TTC6: variants seen among roughly 807,000 people sequenced by gnomAD.
TTC6 encodes tetratricopeptide repeat domain 6.
TTC6 carries 172 observed loss-of-function variants against 210.4 expected under a neutral mutation model. That is an observed-to-expected ratio of 0.82 (90% CI 0.72 to 0.93). The LOEUF (loss-of-function observed/expected upper bound fraction) is 0.93, where lower values mean the gene tolerates loss of function less well. Ranked by LOEUF, TTC6 falls within the 40% of genes least tolerant of loss-of-function variation. TTC6 has a pLI of 0.00. For missense variants in TTC6, 2,414 were observed against 2,318.1 expected (o/e 1.04, Z -0.85); for synonymous variants, 804 against 819.6 (o/e 0.98, Z 0.32).
Position 37,804,840 on chromosome 14 carries a change from A to T in TTC6, c.4164+26A>T, listed in dbSNP as rs373351825. The T allele has an allele frequency of 1.9e-6, 3 of 1,607,824 alleles. No individual in the cohort carries two copies. In the East Asian group the frequency reaches 6.7e-5, roughly 36 times the overall value. ...GTATTTCGTGTATTTAGGAGTATAG[A>T]TTATTTGTGATTTTAGAGACTGGTT... On this transcript the variant is annotated intron_variant, in intron 21 of 30. Coordinates refer to ENST00000553443, the Ensembl canonical transcript of TTC6.
At chr14:37,764,985 T>C (rs2095994485) in intron 14 of TTC6, among the ~76,000 whole-genome samples, 1 of 151,948 alleles carries the variant, frequency 6.6e-6, no homozygotes, top group Non-Finnish European at 1.5e-5. Context: ...TCATTTCTTT[T>C]ACTGTATAAT....
chr14:37,790,780 A>G lies in TTC6; in HGVS notation c.3500A>G (p.His1167Arg), dbSNP rs777202739. 1.2e-5 allele frequency: 18 copies of G among 1,534,834 alleles called. No homozygotes were observed. In the South Asian group the frequency reaches 2.1e-4, roughly 18 times the overall value. ...CTACATCGGGGAATAGTCTATGCAC[A>G]TCTAAAACTTTGGCTGCTGGCAATT... Residue 1167 changes from histidine to arginine, a missense_variant, in exon 16 of 31, where the codon CAT becomes CGT. By Grantham distance (29) the His-to-Arg change is conservative (BLOSUM62 0). Transcript: ENST00000553443.
rs2095654140 is a variant in TTC6 at position 37,622,893 on chromosome 14, A to T, written c.829A>T (p.Ile277Phe). Residue 277 changes from isoleucine (I) to phenylalanine (F), a missense_variant, in exon 1 of 31, where the codon ATC becomes TTC. By Grantham distance (21) the Ile-to-Phe change is conservative (BLOSUM62 0). Transcript: ENST00000553443. The stretch of plus-strand genomic sequence containing the variant: ...GCCCTCCCGCGTGATCCCCACGTCC[A>T]TCGAAGAGATCATCGCCTCTCTGCA... 3.9e-6 allele frequency: 6 copies of T among 1,535,142 alleles called. No individual in the cohort carries two copies. In the South Asian group the frequency reaches 5.9e-5, roughly 15 times the overall value.
At chr14:37,741,562 T>C (rs1350153533) in intron 10 of TTC6, among the ~76,000 whole-genome samples, 1 of 152,154 alleles carries the variant, frequency 6.6e-6, no homozygotes, top group Admixed American at 6.5e-5. Flanking sequence ...AGTGCTGGGA[T>C]TACAGGCATG....
chr14:37,820,897 C>T lies in TTC6; in HGVS notation c.4764-2850C>T, dbSNP rs560342616. Among the ~76,000 whole-genome samples the T allele has an allele frequency of 9.9e-4, 149 of 151,096 alleles. 1 individual carries two copies. Among genetic ancestry groups the T allele is most frequent in the African/African-American group, 3.5e-3 (145 of 41,104 alleles). ...CCTTCTCCTCCTCCTTCTCCTCCTTCTCCTCCTTCTCCTCCTCCTTCTCCT... is the reference window on the plus strand; with the variant it reads ...CCTTCTCCTCCTCCTTCTCCTCCTTTTCCTCCTTCTCCTCCTCCTTCTCCT... On this transcript the variant is annotated intron_variant, in intron 26 of 30. Coordinates refer to ENST00000553443, the Ensembl canonical transcript of TTC6.
chr14:37,805,163 G>A (rs1412341170), intron 21 of TTC6, among the ~76,000 whole-genome samples: 4 of 152,156 alleles, frequency 2.6e-5, no homozygotes, highest in East Asian at 1.9e-4. Context: ...TTAACATAAT[G>A]TAGAATAAAT....
chr14:37,809,112 AT>A (rs1159632453), intron 24 of TTC6, among the ~76,000 whole-genome samples: 1 of 152,148 alleles, frequency 6.6e-6, no homozygotes, highest in African/African-American at 2.4e-5. Flanking sequence ...TGCTCACCAA[AT>A]TTTCTTATAT....
At chr14:37,762,577 T>C (rs1252334630) in intron 14 of TTC6, among the ~76,000 whole-genome samples, 2 of 152,222 alleles carry the variant, frequency 1.3e-5, no homozygotes, top group African/African-American at 4.8e-5. Flanking sequence ...TTTTTTCATA[T>C]ACCTGTTGGT....
At chr14:37,749,910 C>A (rs2095946725) in intron 12 of TTC6, 67 bp downstream of exon 14, 3 of 1,076,920 alleles carry the variant, frequency 2.8e-6, no homozygotes, top group Non-Finnish European at 2.4e-6. Context: ...TTTATTGGTA[C>A]TATAAGGATA....
chr14:37,838,847 CCT>C (rs2096203817), intron 29 of TTC6, among the ~76,000 whole-genome samples: 2 of 152,264 alleles, frequency 1.3e-5, no homozygotes, highest in South Asian at 4.2e-4. Context: ...TGTTCCCCTC[CCT>C]GTGTCCATGT....
At chr14:37,629,403 T>G (rs1436397475) in intron 1 of TTC6, among the ~76,000 whole-genome samples, 1 of 152,300 alleles carries the variant, frequency 6.6e-6, no homozygotes, top group African/African-American at 2.4e-5. Context: ...TTTGGCTCTC[T>G]GTTTGTCTAT....
At chr14:37,735,331 G>A (rs553377473) in intron 7 of TTC6, among the ~76,000 whole-genome samples, 67 of 152,228 alleles carry the variant, frequency 4.4e-4, no homozygotes, top group South Asian at 3.7e-3. Flanking sequence ...CCCGGGTGTC[G>A]AATTTAGGTC....
intron 5 of TTC6, among the ~76,000 whole-genome samples, chr14:37,710,029 G>T (rs1243818531): frequency 6.6e-6 from 1 of 152,082 alleles, no homozygotes; most frequent in South Asian, 2.1e-4. Flanking sequence ...TTAAAAAATG[G>T]TATCTAGAAT....
At chr14:37,600,405 A>G (rs1324897303) in intron 1 of TTC6, among the ~76,000 whole-genome samples, 1 of 152,134 alleles carries the variant, frequency 6.6e-6, no homozygotes, top group East Asian at 1.9e-4. Context: ...CAAGGCTGGC[A>G]GCTTAAATCT....
intron 16 of TTC6, among the ~76,000 whole-genome samples, chr14:37,791,872 C>T (rs2139338088): frequency 6.6e-6 from 1 of 152,202 alleles, no homozygotes; most frequent in East Asian, 1.9e-4. Context: ...AGCCACCAAA[C>T]CCTTGAATAT....
At chr14:37,816,729 GATATA>G (rs1427490853) in intron 25 of TTC6, among the ~76,000 whole-genome samples, 1 of 152,064 alleles carries the variant, frequency 6.6e-6, no homozygotes, top group East Asian at 1.9e-4. Context: ...CAGTTGACAT[GATATA>G]ATATTTTGTT....
chr14:37,761,525 A>G (rs1488780225), intron 14 of TTC6, among the ~76,000 whole-genome samples: 1 of 152,140 alleles, frequency 6.6e-6, no homozygotes, highest in Non-Finnish European at 1.5e-5. Flanking sequence ...GGAAATGTAC[A>G]GCATAATGAC....
At chr14:37,763,814 T>C (rs1331420703) in intron 14 of TTC6, among the ~76,000 whole-genome samples, 2 of 151,788 alleles carry the variant, frequency 1.3e-5, no homozygotes, top group Non-Finnish European at 2.9e-5. Context: ...TTTGCTCTAA[T>C]CTTTATTATT....
At chr14:37,796,462 C>T (rs370151859) in intron 19 of TTC6, 92 bp downstream of exon 21, 2 of 554,054 alleles carry the variant, frequency 3.6e-6, no homozygotes, top group South Asian at 6.1e-5. Flanking sequence ...ATGAAGGATC[C>T]AATTGAAAGT....
Sources: gnomAD v4.1 joint callset for allele counts (sites outside exome capture counted in the v4.1 genomes callset) on GRCh38, gnomAD v4.1.1 for gene constraint, MANE v1.5 for transcripts, NCBI Gene and HGNC (gene_info 2026-07-23, HGNC 2026-07-21) for gene names.